The following ST8SIA6 variants were observed in gnomAD, a reference collection of about 807,000 sequenced individuals.
ST8SIA6 encodes the protein alpha-2,8-sialyltransferase 8F.
In ST8SIA6, 39 loss-of-function variants were observed where a neutral mutation model predicts 33.6. The observed-to-expected ratio is 1.16, with a 90% CI of 0.90 to 1.52. The LOEUF is 1.52. ST8SIA6 is among the 40% of genes most tolerant of loss of function. The pLI, the probability that ST8SIA6 is intolerant of heterozygous loss-of-function variation, is 0.00. For synonymous variants in ST8SIA6, 172 were observed against 167.2 expected, an observed-to-expected ratio of 1.03 and a Z score of -0.22; for missense variants, 441 against 443.8, an observed-to-expected ratio of 0.99 and a Z score of 0.06.
chr10:17,372,362 C>T (rs11254557), intron 3 of ST8SIA6, among the ~76,000 whole-genome samples: 27,538 of 152,134 alleles, frequency 0.18, 2,643 homozygotes, highest in South Asian at 0.22. Flanking sequence ...CAATGCTTTC[C>T]GTTTTCAAAT....
intron 2 of ST8SIA6, among the ~76,000 whole-genome samples, chr10:17,428,959 G>A (rs1852018363): frequency 6.6e-6 from 1 of 152,082 alleles, no homozygotes; most frequent in Non-Finnish European, 1.5e-5. Context: ...CATGTTATGT[G>A]GCTTTTGTGG....
At chr10:17,388,506 T>G (rs1850464220) in intron 3 of ST8SIA6, among the ~76,000 whole-genome samples, 1 of 152,018 alleles carries the variant, frequency 6.6e-6, no homozygotes, top group East Asian at 1.9e-4. Flanking sequence ...AGAAGCAGTG[T>G]GTGTGTGAGA....
chr10:17,333,690 TATA>T lies in ST8SIA6; in HGVS notation c.378-2141_378-2139del, dbSNP rs1848381127. Among the ~76,000 whole-genome samples the T allele has an allele frequency of 2.6e-4, 10 of 39,150 alleles. 3 individuals are homozygous for T. The highest frequency in any genetic ancestry group is 3.7e-4 in the Non-Finnish European group (9 of 24,642). 25.7% of individuals were successfully genotyped at this position (39,150 alleles called of 152,430 possible). A position where few individuals can be genotyped will look rare whatever the true frequency, so the allele number is the denominator to read the frequency against. On this transcript the variant is annotated intron_variant, in intron 4 of 7. Coordinates refer to ENST00000377602, the MANE Select transcript of ST8SIA6 (RefSeq NM_001004470.3). Reference sequence around the variant, plus strand: ...GTGCTGGGATATATATATATATATATATATATATATATATATATATATATATAT... The same window carrying T: ...GTGCTGGGATATATATATATATATATTATATATATATATATATATATATAT...
chr10:17,396,042 A>C (rs1189244003), intron 2 of ST8SIA6, among the ~76,000 whole-genome samples: 1 of 152,196 alleles, frequency 6.6e-6, no homozygotes, highest in Non-Finnish European at 1.5e-5. Context: ...TCGGGTTAGC[A>C]TGAGAAGCCT....
chr10:17,441,813 TG>T (rs1468023899), intron 2 of ST8SIA6, among the ~76,000 whole-genome samples: 3 of 152,120 alleles, frequency 2.0e-5, no homozygotes, highest in Non-Finnish European at 4.4e-5. Flanking sequence ...CATTTGAAAT[TG>T]GCCCTAAACA....
rs1847802784 is a variant in ST8SIA6, at chr10:17,317,245, C to A, written c.*3633G>T. 6.6e-6 allele frequency among the ~76,000 whole-genome samples: 1 copy of A among 152,122 alleles called. No individual in the cohort carries two copies. Among genetic ancestry groups the A allele is most frequent in the Non-Finnish European group, 1.5e-5 (1 of 68,018 alleles). Reference sequence around the variant, plus strand: ...AGTAGCGCATCTTTATCATATATCACCCACATTTTTTTTATAAAAAGAAGA... The same window carrying A: ...AGTAGCGCATCTTTATCATATATCAACCACATTTTTTTTATAAAAAGAAGA... On this transcript the variant is annotated 3_prime_UTR_variant, in exon 8 of 8. Coordinates refer to ENST00000377602, the MANE Select transcript of ST8SIA6 (RefSeq NM_001004470.3).
chr10:17,384,597 A>C (rs1277112994), intron 3 of ST8SIA6, among the ~76,000 whole-genome samples: 1 of 152,142 alleles, frequency 6.6e-6, no homozygotes, highest in Non-Finnish European at 1.5e-5. Context: ...TTTGGACCAA[A>C]TTCTAATTTT....
intron 2 of ST8SIA6, among the ~76,000 whole-genome samples, chr10:17,413,092 G>A (rs187046162): frequency 3.3e-5 from 5 of 152,246 alleles, no homozygotes; most frequent in Admixed American, 3.3e-4. Context: ...TTTACACAGT[G>A]CTAGCATTTT....
At chr10:17,375,203 A>T (rs1411237427) in intron 3 of ST8SIA6, among the ~76,000 whole-genome samples, 1 of 152,206 alleles carries the variant, frequency 6.6e-6, no homozygotes, top group Non-Finnish European at 1.5e-5. Context: ...TCAAAGCACC[A>T]TAGATTTAAA....
intron 4 of ST8SIA6, among the ~76,000 whole-genome samples, chr10:17,343,437 T>C (rs370957391): frequency 6.6e-6 from 1 of 152,220 alleles, no homozygotes; most frequent in African/African-American, 2.4e-5. Flanking sequence ...AACTATTTAA[T>C]GAGCTCAGAA....
chr10:17,331,381 A>G (rs187298877), intron 5 of ST8SIA6, 27 bp downstream of exon 5: 29 of 1,589,634 alleles, frequency 1.8e-5, no homozygotes, highest in African/African-American at 2.7e-5. Flanking sequence ...TGGTAACACA[A>G]ATAACCCACC....
chr10:17,422,985 G>A (rs1405986624), intron 2 of ST8SIA6, among the ~76,000 whole-genome samples: 1 of 152,218 alleles, frequency 6.6e-6, no homozygotes, highest in Non-Finnish European at 1.5e-5. Context: ...GGAAAATGAT[G>A]AAAATCCCGT....
intron 2 of ST8SIA6, among the ~76,000 whole-genome samples, chr10:17,408,970 A>T (rs1851361997): frequency 6.8e-6 from 1 of 146,112 alleles, no homozygotes; most frequent in Non-Finnish European, 1.5e-5. Context: ...TTTAGTAGAG[A>T]TGGGGTTTCT....
chr10:17,425,526 C>T (rs1851906119), intron 2 of ST8SIA6, among the ~76,000 whole-genome samples: 1 of 151,856 alleles, frequency 6.6e-6, no homozygotes, highest in Non-Finnish European at 1.5e-5. Flanking sequence ...GAGATCATGC[C>T]ACTGCACTCC....
Position 17,443,458 on chromosome 10 carries a change from G to A in ST8SIA6, c.200+10101C>T, listed in dbSNP as rs141611048. Among the ~76,000 whole-genome samples, 34 of 152,172 alleles carry A rather than the reference G, an allele frequency of 2.2e-4. No individual in the cohort carries two copies. The East Asian group carries it at 4.4e-3, about 20-fold the overall frequency. On this transcript the variant is annotated intron_variant, in intron 2 of 7. Coordinates refer to ENST00000377602, the MANE Select transcript of ST8SIA6 (RefSeq NM_001004470.3). ...GGAATGCTGCATTTAAAAATTATAC[G>A]GTAGAGAATTTCGGTGTATTTTACA...
chr10:17,324,757 T>C (rs1848067101), intron 6 of ST8SIA6, among the ~76,000 whole-genome samples: 2 of 145,964 alleles, frequency 1.4e-5, no homozygotes, highest in Admixed American at 1.4e-4. Flanking sequence ...GTATAGGTCA[T>C]GGTATGTACC....
chr10:17,409,726 A>C (rs916232367), intron 2 of ST8SIA6: 3 of 152,324 alleles, frequency 2.0e-5, no homozygotes, highest in Non-Finnish European at 4.4e-5. Context: ...AAAGTACAAA[A>C]TTAGCCGGCA....
rs190381974 is a variant in ST8SIA6, at chr10:17,435,090, G to A, written c.200+18469C>T. Among the ~76,000 whole-genome samples, 1,463 of 152,286 alleles carry A rather than the reference G, an allele frequency of 9.6e-3. 42 individuals carry two copies. Among genetic ancestry groups the A allele is most frequent in the Non-Finnish European group, 7.6e-3 (514 of 68,018 alleles). Reference sequence around the variant, plus strand: ...GAAAGCCCCCTGAAGCTGACCATGCGTGGCTTATTCTGCATTCCTTGTTGC... The same window carrying A: ...GAAAGCCCCCTGAAGCTGACCATGCATGGCTTATTCTGCATTCCTTGTTGC... On this transcript the variant is annotated intron_variant, in intron 2 of 7. Transcript: ENST00000377602.
intron 2 of ST8SIA6, among the ~76,000 whole-genome samples, chr10:17,425,293 C>G (rs1851899932): frequency 6.6e-6 from 1 of 152,094 alleles, no homozygotes; most frequent in Non-Finnish European, 1.5e-5. Flanking sequence ...ATAAGCCAGG[C>G]ATGGGTGGCT....
Sources: gnomAD v4.1 joint callset for allele counts (sites outside exome capture counted in the v4.1 genomes callset) on GRCh38, gnomAD v4.1.1 for gene constraint, MANE v1.5 for transcripts, NCBI Gene and HGNC (gene_info 2026-07-23, HGNC 2026-07-21) for gene names.